STAT3: variants seen among roughly 807,000 people sequenced by gnomAD.
STAT3 encodes signal transducer and activator of transcription 3.
STAT3 carries 7 observed loss-of-function variants against 114.3 expected under a neutral mutation model. The observed-to-expected ratio is 0.06, with a 90% confidence interval of 0.03 to 0.11. The LOEUF (loss-of-function observed/expected upper bound fraction) is 0.11, where lower values mean the gene tolerates loss of function less well. Among genes scored for constraint, STAT3 ranks in the 10% least tolerant of loss-of-function variants. The pLI, the probability that STAT3 is intolerant of heterozygous loss-of-function variation, is 1.00. For missense variants in STAT3, 364 were observed against 960.9 expected, an observed-to-expected ratio of 0.38 and a Z score of 8.21; for synonymous variants, 331 against 354.5, an observed-to-expected ratio of 0.93 and a Z score of 0.74.
At chr17:42,377,715 G>A (rs2084545447) in intron 1 of STAT3, among the ~76,000 whole-genome samples, 2 of 152,136 alleles carry the variant, frequency 1.3e-5, no homozygotes, top group Non-Finnish European at 2.9e-5. Flanking sequence ...CTGGAGTCTA[G>A]AACTGAATGA....
At chr17:42,332,608 C>T (rs906959868) in intron 10 of STAT3, among the ~76,000 whole-genome samples, 2 of 148,680 alleles carry the variant, frequency 1.3e-5, no homozygotes, top group South Asian at 2.1e-4. Context: ...TTTTGGAGGC[C>T]GGGGTGGGTG....
intron 1 of STAT3, among the ~76,000 whole-genome samples, chr17:42,362,454 G>A (rs2083559806): frequency 6.6e-6 from 1 of 152,140 alleles, no homozygotes; most frequent in African/African-American, 2.4e-5. Flanking sequence ...TGGGTAGAGA[G>A]ACCTTTTCAA....
intron 1 of STAT3, among the ~76,000 whole-genome samples, chr17:42,358,246 C>T (rs985782270): frequency 2.0e-5 from 3 of 152,008 alleles, no homozygotes; most frequent in Admixed American, 1.3e-4. Flanking sequence ...TGAGACCTTG[C>T]CTCTACAAAA....
intron 1 of STAT3, among the ~76,000 whole-genome samples, chr17:42,351,483 T>C (rs1472912236): frequency 3.3e-5 from 5 of 152,052 alleles, no homozygotes; most frequent in Non-Finnish European, 7.4e-5. Context: ...CATCTCAGCC[T>C]CCCAATGTGC....
intron 15 of STAT3, 78 bp from the exon 16 acceptor site, chr17:42,325,139 CG>C: frequency 1.4e-6 from 2 of 1,392,244 alleles, no homozygotes; most frequent in Admixed American, 3.6e-5. Flanking sequence ...CCGCATCTCA[CG>C]GGGCTCAGAA....
In STAT3 at chr17:42,346,732, A is replaced by G. The variant is rs1242130951; in HGVS notation, c.129-19T>C. The G allele has an allele frequency of 6.2e-7, 1 of 1,614,174 alleles. No homozygotes were observed. Among genetic ancestry groups the G allele is most frequent in the East Asian group, 2.2e-5 (1 of 44,890 alleles). ...ATATGCCCTAGGAAAAGGAAGAATG[A>G]TAAAGAATGGCTCTGAAGCCGACGC... On this transcript the variant is annotated intron_variant, in intron 2 of 23. Transcript: ENST00000264657.
intron 1 of STAT3, among the ~76,000 whole-genome samples, chr17:42,370,094 C>G (rs985806025): frequency 6.6e-6 from 1 of 151,540 alleles, no homozygotes; most frequent in Non-Finnish European, 1.5e-5. Flanking sequence ...CCTCGCCTCC[C>G]GAGTAGCTGG....
chr17:42,326,735 G>A (rs1158342775), intron 14 of STAT3, among the ~76,000 whole-genome samples: 11 of 151,984 alleles, frequency 7.2e-5, no homozygotes, highest in African/African-American at 7.2e-5. Flanking sequence ...CAGGAGAATC[G>A]CTTGAACCCA....
intron 1 of STAT3, among the ~76,000 whole-genome samples, chr17:42,352,927 C>G (rs1299222537): frequency 6.6e-6 from 1 of 152,116 alleles, no homozygotes; most frequent in African/African-American, 2.4e-5. Flanking sequence ...TAGTGAAAAA[C>G]AAAAGAATGT....
At chr17:42,364,868 T>C (rs758507645) in intron 1 of STAT3, among the ~76,000 whole-genome samples, 1 of 152,198 alleles carries the variant, frequency 6.6e-6, no homozygotes, top group Non-Finnish European at 1.5e-5. Flanking sequence ...AGAAGGAAGA[T>C]TCTTTTCTCA....
rs552523768 is a variant in STAT3, at chr17:42,330,490, G to GT, written c.1110-715dup. On this transcript the variant is annotated intron_variant, in intron 11 of 23. Transcript: ENST00000264657. The stretch of plus-strand genomic sequence containing the variant: ...GTCGCCCAGGCTGGAGTGCAGTGGT[G>GT]TGATCTTGGCTCACTGCAAACTCCA... Among the ~76,000 whole-genome samples the GT allele has an allele frequency of 1.9e-3, 273 of 144,254 alleles. 2 individuals carry two copies. The highest frequency in any genetic ancestry group is 6.7e-3 in the African/African-American group (257 of 38,594). 94.6% of individuals were successfully genotyped at this position (144,254 alleles called of 152,430 possible). A position where few individuals can be genotyped will look rare whatever the true frequency, so the allele number is the denominator to read the frequency against.
rs912761430 is a variant in STAT3, at chr17:42,345,540, GT to G, written c.372+18del. ...TCCATTCCTCCCAGACCAGGGATTT[GT>G]TTTGTCTCAGGTCTCACCTGGGCCG... On this transcript the variant is annotated intron_variant, in intron 4 of 23. Transcript: ENST00000264657. 6.3e-7 allele frequency: 1 copy of G among 1,585,828 alleles called. No individual in the cohort carries two copies. Among genetic ancestry groups the G allele is most frequent in the Non-Finnish European group, 8.6e-7 (1 of 1,162,656 alleles).
intron 1 of STAT3, among the ~76,000 whole-genome samples, chr17:42,376,069 G>A (rs967741822): frequency 6.7e-6 from 1 of 148,790 alleles, no homozygotes; most frequent in Admixed American, 6.7e-5. Flanking sequence ...GAGAATTGCT[G>A]GAACCTGGGA....
At chr17:42,369,773 C>A (rs904710937) in intron 1 of STAT3, among the ~76,000 whole-genome samples, 2 of 152,118 alleles carry the variant, frequency 1.3e-5, no homozygotes, top group African/African-American at 2.4e-5. Context: ...ATCCTCCCAC[C>A]TCAGCCTCCT....
intron 1 of STAT3, among the ~76,000 whole-genome samples, chr17:42,356,099 A>G (rs1371208105): frequency 6.6e-6 from 1 of 152,200 alleles, no homozygotes; most frequent in Non-Finnish European, 1.5e-5. Context: ...CTTTGCTGTC[A>G]GGAAAGGCCC....
chr17:42,354,160 A>G (rs1001494571), intron 1 of STAT3, among the ~76,000 whole-genome samples: 2 of 150,600 alleles, frequency 1.3e-5, no homozygotes, highest in African/African-American at 2.5e-5. Flanking sequence ...TAAGTAGTAC[A>G]ATAATTGTGT....
At position 42,371,138 on chromosome 17, in the gene STAT3, A is replaced by G. The variant is rs571546142; in HGVS notation, c.-24+17141T>C. 3.9e-5 allele frequency among the ~76,000 whole-genome samples: 6 copies of G among 152,272 alleles called. No homozygotes were observed. In the East Asian group the frequency reaches 1.2e-3, roughly 29 times the overall value. ...ATTCCTAGATTTCTGGCTTGCACAA[A>G]GGAGTAGATGGTGGTCTACCATTTA... On this transcript the variant is annotated intron_variant, in intron 1 of 23. Transcript: ENST00000264657.
chr17:42,325,797 C>T (rs1011296438), intron 15 of STAT3, among the ~76,000 whole-genome samples: 3 of 151,994 alleles, frequency 2.0e-5, no homozygotes, highest in Non-Finnish European at 2.9e-5. Flanking sequence ...CTCCTGACCT[C>T]GTGATCCACC....
intron 1 of STAT3, among the ~76,000 whole-genome samples, chr17:42,365,705 G>A (rs1025757951): frequency 3.3e-5 from 5 of 150,462 alleles, no homozygotes; most frequent in Non-Finnish European, 5.9e-5. Context: ...GCCCAGGATG[G>A]AGTGCAGTGG....
Sources: allele counts gnomAD v4.1 joint callset (sites outside exome capture counted in the v4.1 genomes callset), GRCh38; gene constraint gnomAD v4.1.1; transcripts MANE v1.5; gene names NCBI Gene and HGNC (gene_info 2026-07-23, HGNC 2026-07-21).